The following NAALADL2 variants were observed in gnomAD, a reference collection of about 807,000 sequenced individuals.
NAALADL2 encodes inactive N-acetylated-alpha-linked acidic dipeptidase-like protein 2.
In NAALADL2, 76 loss-of-function variants were observed where a neutral mutation model predicts 87.2. The observed-to-expected ratio is 0.87, with a 90% CI of 0.72 to 1.05. The LOEUF is 1.05. Among genes scored for constraint, NAALADL2 ranks in the 50% least tolerant of loss-of-function variants. NAALADL2 has a pLI of 0.00. For synonymous variants in NAALADL2, 354 were observed against 331.0 expected (o/e 1.07, Z -0.75); for missense variants, 1,089 against 945.8 (o/e 1.15, Z -1.99).
At chr3:175,161,156 T>C (rs1248590923) in intron 2 of NAALADL2, among the ~76,000 whole-genome samples, 1 of 152,116 alleles carries the variant, frequency 6.6e-6, no homozygotes, top group Non-Finnish European at 1.5e-5. Context: ...CTGTTCTTCA[T>C]GGCTTTTACA....
At chr3:174,525,244 A>G (rs1720633131) in intron 1 of NAALADL2, among the ~76,000 whole-genome samples, 1 of 152,236 alleles carries the variant, frequency 6.6e-6, no homozygotes, top group South Asian at 2.1e-4. Flanking sequence ...TGACTGTGCT[A>G]GTCCATTCTT....
intron 2 of NAALADL2, among the ~76,000 whole-genome samples, chr3:174,704,724 T>C (rs1456244465): frequency 6.6e-6 from 1 of 151,924 alleles, no homozygotes; most frequent in African/African-American, 2.4e-5. Context: ...TATGGGAAAA[T>C]ATTATCAATT....
chr3:175,384,215 T>C (rs573637821), intron 5 of NAALADL2, among the ~76,000 whole-genome samples: 4 of 152,194 alleles, frequency 2.6e-5, no homozygotes, highest in African/African-American at 4.8e-5. Context: ...CTTTTTAGTA[T>C]AATGGTAAAT....
At chr3:174,731,396 C>T (rs1732690995) in intron 2 of NAALADL2, among the ~76,000 whole-genome samples, 1 of 152,088 alleles carries the variant, frequency 6.6e-6, no homozygotes, top group African/African-American at 2.4e-5. Context: ...TCGGCATTTA[C>T]TAAAAGTGCT....
At chr3:175,654,539 G>T (rs776908235) in intron 11 of NAALADL2, among the ~76,000 whole-genome samples, 5 of 152,074 alleles carry the variant, frequency 3.3e-5, no homozygotes, top group Admixed American at 6.6e-5. Flanking sequence ...TTAGTCTATA[G>T]GTATGCCTTT....
At chr3:174,834,106 G>A (rs911338203) in intron 3 of NAALADL2, among the ~76,000 whole-genome samples, 2 of 147,842 alleles carry the variant, frequency 1.4e-5, no homozygotes, top group East Asian at 2.0e-4. Context: ...AGCAAACTGT[G>A]ACATGTTAAA....
At chr3:175,682,349 G>C (rs908262611) in intron 11 of NAALADL2, among the ~76,000 whole-genome samples, 3 of 151,834 alleles carry the variant, frequency 2.0e-5, no homozygotes, top group African/African-American at 7.3e-5. Flanking sequence ...TTTAAAACTT[G>C]GGAATAAAAA....
intron 13 of NAALADL2, among the ~76,000 whole-genome samples, chr3:175,791,824 T>C (rs981980330): frequency 4.0e-5 from 6 of 151,368 alleles, no homozygotes; most frequent in Admixed American, 2.0e-4. Flanking sequence ...GCAGCACACC[T>C]ATTTTGTGCT....
chr3:175,004,091 A>G (rs1748661505), intron 1 of NAALADL2, among the ~76,000 whole-genome samples: 1 of 152,150 alleles, frequency 6.6e-6, no homozygotes, highest in Non-Finnish European at 1.5e-5. Flanking sequence ...GAAACATAGC[A>G]TTGGCCAGGA....
At chr3:175,135,034 G>A (rs1225057885) in intron 2 of NAALADL2, among the ~76,000 whole-genome samples, 1 of 152,140 alleles carries the variant, frequency 6.6e-6, no homozygotes, top group Non-Finnish European at 1.5e-5. Context: ...CGGAGATATA[G>A]AGTAATAGTT....
At chr3:175,744,843 C>T (rs1745706647) in intron 12 of NAALADL2, among the ~76,000 whole-genome samples, 1 of 151,984 alleles carries the variant, frequency 6.6e-6, no homozygotes, top group Non-Finnish European at 1.5e-5. Flanking sequence ...AATTCTTGTA[C>T]TGTGTTAAAT....
chr3:174,654,060 T>TTG (rs137877260), intron 2 of NAALADL2, among the ~76,000 whole-genome samples: 11,741 of 143,950 alleles, frequency 0.082, 481 homozygotes, highest in East Asian at 0.17. Flanking sequence ...TAAGATGGCT[T>TTG]TGTGTGTGTG....
At chr3:174,671,464 C>T (rs139695837) in intron 2 of NAALADL2, among the ~76,000 whole-genome samples, 3 of 152,180 alleles carry the variant, frequency 2.0e-5, no homozygotes, top group African/African-American at 7.2e-5. Flanking sequence ...CCCCTGCAGG[C>T]TTGGGGCTTA....
At chr3:175,456,547 G>A (rs1194621775) in intron 6 of NAALADL2, among the ~76,000 whole-genome samples, 1 of 151,898 alleles carries the variant, frequency 6.6e-6, no homozygotes, top group Non-Finnish European at 1.5e-5. Flanking sequence ...AACTTTCAAC[G>A]GTGAATTTTT....
At chr3:175,304,280 T>C (rs1757436817) in intron 4 of NAALADL2, among the ~76,000 whole-genome samples, 1 of 152,268 alleles carries the variant, frequency 6.6e-6, no homozygotes, top group Non-Finnish European at 1.5e-5. Flanking sequence ...AATTTATTAG[T>C]GGATACTCTC....
chr3:174,755,634 C>T (rs534284201), intron 3 of NAALADL2, among the ~76,000 whole-genome samples: 24 of 152,212 alleles, frequency 1.6e-4, no homozygotes, highest in Non-Finnish European at 2.2e-4. Flanking sequence ...TGTAGTTTCT[C>T]GAGAGAAGAG....
intron 3 of NAALADL2, among the ~76,000 whole-genome samples, chr3:174,738,703 T>G (rs1733466710): frequency 6.6e-6 from 1 of 152,066 alleles, no homozygotes; most frequent in Non-Finnish European, 1.5e-5. Flanking sequence ...ACTCGACACA[T>G]GTCTATAGAA....
At chr3:175,323,634 C>G (rs1760243566) in intron 4 of NAALADL2, among the ~76,000 whole-genome samples, 1 of 149,446 alleles carries the variant, frequency 6.7e-6, no homozygotes, top group South Asian at 2.1e-4. Context: ...TATAGCAATG[C>G]TGGTAGAGAT....
In NAALADL2 at chr3:174,612,388, C is replaced by T. The variant is rs564315820; in HGVS notation, c.-115+61751C>T. Among the ~76,000 whole-genome samples, 16 of 152,238 alleles carry T rather than the reference C, an allele frequency of 1.1e-4. No homozygotes were observed. In the South Asian group the frequency reaches 3.1e-3, roughly 30 times the overall value. On this transcript the variant is annotated intron_variant, in intron 2 of 3. Coordinates refer to the NAALADL2 transcript ENST00000434257. ...TTTGAATAAACGTTCTACTCCATCT[C>T]TTTCTCTATTTGCTCTTTAAGGCCG...
Sources: allele counts gnomAD v4.1 joint callset (sites outside exome capture counted in the v4.1 genomes callset), GRCh38; gene constraint gnomAD v4.1.1; transcripts MANE v1.5; gene names NCBI Gene and HGNC (gene_info 2026-07-23, HGNC 2026-07-21).